The following ZFHX3 variants were observed in gnomAD, a reference collection of about 807,000 sequenced individuals.
ZFHX3 encodes zinc finger homeobox 3, also known as zinc finger homeobox protein 3.
In ZFHX3, 42 loss-of-function variants were observed where a neutral mutation model predicts 279.1. The observed-to-expected ratio is 0.15, with a 90% CI of 0.12 to 0.19. ZFHX3 has a LOEUF of 0.19. Among genes scored for constraint, ZFHX3 ranks in the 10% least tolerant of loss-of-function variants. ZFHX3 has a pLI of 1.00. For synonymous variants in ZFHX3, 2,293 were observed against 1,957.8 expected, an observed-to-expected ratio of 1.17 and a Z score of -4.52; for missense variants, 4,981 against 4,754.0, an observed-to-expected ratio of 1.05 and a Z score of -1.40.
intron 1 of ZFHX3, chr16:73,808,360 T>C (rs1240913328): frequency 6.6e-6 from 1 of 152,236 alleles, no homozygotes; most frequent in Non-Finnish European, 1.5e-5. Context: ...TGGTAAGTAT[T>C]GCTATCCATG....
intron 8 of ZFHX3, among the ~76,000 whole-genome samples, chr16:73,090,462 A>G (rs2144776046): frequency 6.6e-6 from 1 of 152,372 alleles, no homozygotes; most frequent in East Asian, 1.9e-4. Context: ...GGCAAAAAGT[A>G]TTCTGAGCTC....
intron 2 of ZFHX3, among the ~76,000 whole-genome samples, chr16:73,497,346 G>A (rs890002150): frequency 1.3e-5 from 2 of 152,126 alleles, no homozygotes; most frequent in African/African-American, 2.4e-5. Context: ...TCTTCCTCTT[G>A]GAGAAAGACT....
chr16:73,000,187 C>T (rs1002608360), intron 1 of ZFHX3, among the ~76,000 whole-genome samples: 1 of 152,172 alleles, frequency 6.6e-6, no homozygotes, highest in Non-Finnish European at 1.5e-5. Context: ...ACACCAGGCT[C>T]GGCATCCTCC....
intron 1 of ZFHX3, among the ~76,000 whole-genome samples, chr16:72,982,405 G>A (rs565568911): frequency 6.6e-6 from 1 of 152,148 alleles, no homozygotes; most frequent in East Asian, 1.9e-4. Flanking sequence ...CTCCATGAAG[G>A]CATCATTTCC....
chr16:73,513,112 C>G (rs2019461259), intron 2 of ZFHX3, among the ~76,000 whole-genome samples: 1 of 152,172 alleles, frequency 6.6e-6, no homozygotes, highest in Non-Finnish European at 1.5e-5. Flanking sequence ...CAAGGCTCAG[C>G]TGGCAACCAG....
chr16:73,275,157 CT>C (rs1187182753), intron 4 of ZFHX3, among the ~76,000 whole-genome samples: 1 of 152,152 alleles, frequency 6.6e-6, no homozygotes, highest in Non-Finnish European at 1.5e-5. Flanking sequence ...AGGTCCCTGG[CT>C]TTAGTCTCAC....
At chr16:73,193,260 C>G (rs191421696) in intron 5 of ZFHX3, among the ~76,000 whole-genome samples, 1 of 152,190 alleles carries the variant, frequency 6.6e-6, no homozygotes, top group Admixed American at 6.5e-5. Context: ...TCTTGTGACC[C>G]TCACTCAGGA....
chr16:73,145,757 C>T lies in ZFHX3; in HGVS notation c.-1103-1926G>A, dbSNP rs114200830. Reference sequence around the variant, plus strand: ...ATACCGTCACTGACTTCTGGGAAGGCACCAACCTCGTATTGTCTGTTGAAT... The same window carrying T: ...ATACCGTCACTGACTTCTGGGAAGGTACCAACCTCGTATTGTCTGTTGAAT... On this transcript the variant is annotated intron_variant, in intron 5 of 17. Transcript: ENST00000641206. 9.1e-3 allele frequency among the ~76,000 whole-genome samples: 1,380 copies of T among 152,318 alleles called. 24 individuals are homozygous for T. Among genetic ancestry groups the T allele is most frequent in the African/African-American group, 0.031 (1,300 of 41,564 alleles).
In ZFHX3 at chr16:73,584,143, T is replaced by C. The variant is rs575306077; in HGVS notation, c.-1547+96037A>G. 3.3e-5 allele frequency among the ~76,000 whole-genome samples: 5 copies of C among 151,822 alleles called. 1 individual carries two copies. Among genetic ancestry groups the C allele is most frequent in the African/African-American group, 7.3e-5 (3 of 41,378 alleles). ...TACAGAAAGACAAAAATACAGAAAA[T>C]GTGAAAAAGTGGTTAAGTAAGATTT... On this transcript the variant is annotated intron_variant, in intron 2 of 17. Transcript: ENST00000641206.
chr16:72,933,813 C>CTTTTTTTTTTTTTTTT (rs71391468), intron 3 of ZFHX3, among the ~76,000 whole-genome samples: 29 of 112,472 alleles, frequency 2.6e-4, no homozygotes, highest in African/African-American at 4.2e-4. Flanking sequence ...TCACAACTTT[C>CTTTTTTTTTTTTTTTT]TTTTTTTTTT....
intron 7 of ZFHX3, among the ~76,000 whole-genome samples, chr16:73,120,555 T>G (rs778826179): frequency 4.6e-5 from 7 of 152,148 alleles, no homozygotes; most frequent in African/African-American, 7.2e-5. Context: ...ATTCCAGGCA[T>G]GAGCCACTGT....
intron 2 of ZFHX3, among the ~76,000 whole-genome samples, chr16:73,464,776 G>A (rs1445087894): frequency 6.6e-6 from 1 of 152,234 alleles, no homozygotes; most frequent in Non-Finnish European, 1.5e-5. Context: ...GGGGCTTGGG[G>A]TCCAACTTAG....
At chr16:72,847,998 T>G (rs1282034987) in intron 4 of ZFHX3, among the ~76,000 whole-genome samples, 1 of 152,168 alleles carries the variant, frequency 6.6e-6, no homozygotes, top group Non-Finnish European at 1.5e-5. Flanking sequence ...GATTGGAGCC[T>G]GAACTTAGCT....
intron 1 of ZFHX3, among the ~76,000 whole-genome samples, chr16:73,788,081 C>T (rs989448854): frequency 5.3e-5 from 8 of 152,054 alleles, no homozygotes; most frequent in Non-Finnish European, 7.4e-5. Context: ...CCCTCACCAC[C>T]GCTAGATCTG....
Position 73,036,496 on chromosome 16 carries a change from T to C in ZFHX3, c.-50+11256A>G, listed in dbSNP as rs147165356. Among the ~76,000 whole-genome samples, 197 of 152,228 alleles carry C rather than the reference T, an allele frequency of 1.3e-3. 1 individual carries two copies. The highest frequency in any genetic ancestry group is 0.01 in the Middle Eastern group (3 of 294). On this transcript the variant is annotated intron_variant, in intron 1 of 9. Transcript: ENST00000268489. ...CCTGGTCTGTCCACCCAAAGCTCTA[T>C]GATACGCTTCCACTTCTGTGAGAGT...
intron 2 of ZFHX3, among the ~76,000 whole-genome samples, chr16:73,586,362 C>T (rs932736595): frequency 6.6e-6 from 1 of 151,736 alleles, no homozygotes; most frequent in Non-Finnish European, 1.5e-5. Context: ...GCACTCCAGC[C>T]TGGGTGACAC....
chr16:73,538,017 T>A (rs554582848), intron 2 of ZFHX3, among the ~76,000 whole-genome samples: 23 of 152,346 alleles, frequency 1.5e-4, no homozygotes, highest in African/African-American at 5.1e-4. Context: ...TGCTGACTGG[T>A]CATTTTTGCA....
At chr16:73,871,951 T>C (rs2029862881) in intron 1 of ZFHX3, among the ~76,000 whole-genome samples, 1 of 152,198 alleles carries the variant, frequency 6.6e-6, no homozygotes. Flanking sequence ...TGAAGAGTAA[T>C]TGTACTTATG....
intron 2 of ZFHX3, chr16:73,609,358 C>T (rs2052222375): frequency 6.6e-6 from 1 of 152,106 alleles, no homozygotes; most frequent in Non-Finnish European, 1.5e-5. Context: ...AAGACAAATT[C>T]GAATATTTGA....
Sources: gnomAD v4.1 joint callset for allele counts (sites outside exome capture counted in the v4.1 genomes callset) on GRCh38, gnomAD v4.1.1 for gene constraint, MANE v1.5 for transcripts, NCBI Gene and HGNC (gene_info 2026-07-23, HGNC 2026-07-21) for gene names.